The following KLHL1 variants were observed in gnomAD, a reference collection of about 807,000 sequenced individuals.
The protein encoded by KLHL1 is kelch-like protein 1.
A neutral mutation model predicts 77.7 loss-of-function variants in KLHL1; 47 were observed. The observed-to-expected ratio is 0.60, with a 90% confidence interval of 0.48 to 0.77. The LOEUF (loss-of-function observed/expected upper bound fraction) is 0.77, where lower values mean the gene tolerates loss of function less well. KLHL1 is among the 30% of genes least tolerant of loss of function. The probability of loss-of-function intolerance (pLI) is 0.00; values close to 1 mark genes in which losing one functional copy is unlikely to be tolerated. For missense variants in KLHL1, 925 were observed against 910.8 expected (o/e 1.02, Z -0.20); for synonymous variants, 360 against 325.2 (o/e 1.11, Z -1.15).
chr13:69,899,017 CAT>C (rs1881755375), intron 4 of KLHL1, among the ~76,000 whole-genome samples: 1 of 36,880 alleles, frequency 2.7e-5, no homozygotes, highest in Non-Finnish European at 6.3e-5. Flanking sequence ...AAAAATTACA[CAT>C]TTTTTTTTTT....
At chr13:69,734,699 A>T (rs778357009) in intron 8 of KLHL1, among the ~76,000 whole-genome samples, 2 of 152,156 alleles carry the variant, frequency 1.3e-5, no homozygotes, top group Non-Finnish European at 2.9e-5. Context: ...TAGAATGAAG[A>T]TACAGCAATA....
At chr13:69,732,146 A>G (rs1873576629) in intron 8 of KLHL1, among the ~76,000 whole-genome samples, 1 of 152,192 alleles carries the variant, frequency 6.6e-6, no homozygotes. Flanking sequence ...AAACGATCAT[A>G]AACAAATTGG....
intron 1 of KLHL1, among the ~76,000 whole-genome samples, chr13:70,041,816 T>C (rs1466084057): frequency 6.6e-6 from 1 of 152,066 alleles, no homozygotes; most frequent in African/African-American, 2.4e-5. Context: ...GACCTTGTTA[T>C]TGCCACACTG....
intron 7 of KLHL1, among the ~76,000 whole-genome samples, chr13:69,780,721 T>TATATACACAC (rs1555267672): frequency 1.4e-4 from 9 of 62,880 alleles, no homozygotes; most frequent in African/African-American, 5.5e-4. Context: ...TATATGTATA[T>TATATACACAC]ATATATATAT....
rs531985104 is a variant in KLHL1 at position 69,825,043 on chromosome 13, G to A, written c.1414+13933C>T. The stretch of plus-strand genomic sequence containing the variant: ...TGATAGAAAAATGATAGATGGATAC[G>A]TATGTGATAAAGCCATGTTGCATAC... On this transcript the variant is annotated intron_variant, in intron 6 of 10. Transcript: ENST00000377844. Among the ~76,000 whole-genome samples, 7 of 152,170 alleles carry A rather than the reference G, an allele frequency of 4.6e-5. No individual in the cohort carries two copies. The South Asian group carries it at 1.0e-3, about 23-fold the overall frequency.
chr13:70,026,248 G>C (rs1197059363), intron 1 of KLHL1, among the ~76,000 whole-genome samples: 1 of 151,868 alleles, frequency 6.6e-6, no homozygotes, highest in African/African-American at 2.4e-5. Flanking sequence ...GTTATAAAAG[G>C]TATATTTATA....
intron 5 of KLHL1, among the ~76,000 whole-genome samples, chr13:69,879,514 C>G (rs1339928689): frequency 6.6e-6 from 1 of 151,982 alleles, no homozygotes; most frequent in Non-Finnish European, 1.5e-5. Context: ...TATAAGCGAC[C>G]TATATATTAA....
chr13:70,088,659 G>C (rs1008127566), intron 1 of KLHL1, among the ~76,000 whole-genome samples: 1 of 150,366 alleles, frequency 6.7e-6, no homozygotes, highest in Admixed American at 6.6e-5. Context: ...CTCCAGCCTG[G>C]GGTAACAGAG....
chr13:69,995,040 TGCCAGTA>T (rs1385211100), intron 1 of KLHL1, among the ~76,000 whole-genome samples: 2 of 152,124 alleles, frequency 1.3e-5, no homozygotes, highest in Non-Finnish European at 2.9e-5. Context: ...TATAGATCCC[TGCCAGTA>T]GCCCAGTTAA....
chr13:69,923,602 T>C (rs1487388440), intron 4 of KLHL1, among the ~76,000 whole-genome samples: 1 of 152,176 alleles, frequency 6.6e-6, no homozygotes, highest in Non-Finnish European at 1.5e-5. Flanking sequence ...TTTTAGTAGG[T>C]GCTTCTGGGA....
intron 2 of KLHL1, among the ~76,000 whole-genome samples, chr13:69,968,576 A>T (rs1157605846): frequency 6.6e-6 from 1 of 151,592 alleles, no homozygotes; most frequent in African/African-American, 2.4e-5. Flanking sequence ...TATTAATATA[A>T]ATTATTTGTT....
chr13:69,805,817 C>T (rs1308142668), intron 6 of KLHL1, among the ~76,000 whole-genome samples: 1 of 151,028 alleles, frequency 6.6e-6, no homozygotes, highest in Non-Finnish European at 1.5e-5. Flanking sequence ...TATTATATAA[C>T]ATTTAATATA....
At chr13:70,029,772 ATG>A (rs1490956040) in intron 1 of KLHL1, among the ~76,000 whole-genome samples, 1 of 152,220 alleles carries the variant, frequency 6.6e-6, no homozygotes, top group Non-Finnish European at 1.5e-5. Context: ...TTAAATGTAA[ATG>A]GGCTAAATGC....
intron 8 of KLHL1, among the ~76,000 whole-genome samples, chr13:69,733,212 A>T (rs528453350): frequency 6.6e-6 from 1 of 151,340 alleles, no homozygotes; most frequent in East Asian, 1.9e-4. Context: ...TTTGGGTTAT[A>T]CAAACACATA....
Position 69,857,236 on chromosome 13 carries a change from T to G in KLHL1, c.1228-18074A>C, listed in dbSNP as rs369640831. Among the ~76,000 whole-genome samples the G allele has an allele frequency of 3.3e-5, 5 of 152,066 alleles. No individual in the cohort carries two copies. The South Asian group carries it at 8.3e-4, about 25-fold the overall frequency. On this transcript the variant is annotated intron_variant, in intron 5 of 10. Coordinates refer to ENST00000377844, the MANE Select transcript of KLHL1 (RefSeq NM_020866.3). ...CCCTTTACTTAAAAACTCTCCTTCC[T>G]GAGTCCCTGACAAACGTTTACTTCT... is the stretch of plus-strand genomic sequence containing the variant.
intron 1 of KLHL1, among the ~76,000 whole-genome samples, chr13:70,076,639 T>C (rs1887275604): frequency 6.6e-6 from 1 of 151,856 alleles, no homozygotes; most frequent in Non-Finnish European, 1.5e-5. Context: ...AAACAAAATT[T>C]TGTAAGTTGG....
At chr13:69,987,639 T>C (rs1884910359) in intron 1 of KLHL1, among the ~76,000 whole-genome samples, 1 of 152,020 alleles carries the variant, frequency 6.6e-6, no homozygotes, top group Non-Finnish European at 1.5e-5. Flanking sequence ...ACTAAAGAAC[T>C]CTTTTCCATT....
At chr13:69,894,317 CT>C in intron 4 of KLHL1, 1 of 155,734 alleles carries the variant, frequency 6.4e-6, no homozygotes. Flanking sequence ...GCTTCTTAGT[CT>C]TTCCATCAGG....
intron 4 of KLHL1, among the ~76,000 whole-genome samples, chr13:69,937,253 T>G (rs1169855071): frequency 2.0e-5 from 3 of 152,136 alleles, no homozygotes; most frequent in Non-Finnish European, 4.4e-5. Context: ...GATATAATAT[T>G]TAATTTGAAC....
Sources: gnomAD v4.1 joint callset for allele counts (sites outside exome capture counted in the v4.1 genomes callset) on GRCh38, gnomAD v4.1.1 for gene constraint, MANE v1.5 for transcripts, NCBI Gene and HGNC (gene_info 2026-07-23, HGNC 2026-07-21) for gene names.